The following SLC7A14 variants were observed in gnomAD, a reference collection of about 807,000 sequenced individuals.
The protein encoded by SLC7A14 is solute carrier family 7 member 14, also known as gamma-aminobutyric acid transporter SLC7A14.
A neutral mutation model predicts 60.2 loss-of-function variants in SLC7A14; 37 were observed. That is an observed-to-expected ratio of 0.61 (90% CI 0.47 to 0.81). SLC7A14 has a LOEUF of 0.81. Among genes scored for constraint, SLC7A14 ranks in the 30% least tolerant of loss-of-function variants. The pLI, the probability that SLC7A14 is intolerant of heterozygous loss-of-function variation, is 0.00. For missense variants in SLC7A14, 886 were observed against 982.7 expected, an observed-to-expected ratio of 0.90 and a Z score of 1.32; for synonymous variants, 399 against 395.8, an observed-to-expected ratio of 1.01 and a Z score of -0.10.
intron 5 of SLC7A14, among the ~76,000 whole-genome samples, chr3:170,485,847 A>C (rs776211418): frequency 6.6e-6 from 1 of 152,204 alleles, no homozygotes; most frequent in Non-Finnish European, 1.5e-5. Flanking sequence ...ACAGAAGAGC[A>C]TTGAGGAAAG....
chr3:170,585,550 C>T lies in SLC7A14; in HGVS notation c.-153+361G>A, dbSNP rs368878868. Reference sequence around the variant, plus strand: ...CGGCGTCTGCCGAGACCTAGGCTGCCCGCATTCCGCTCGCGGCTCCCCTTC... The same window carrying T: ...CGGCGTCTGCCGAGACCTAGGCTGCTCGCATTCCGCTCGCGGCTCCCCTTC... On this transcript the variant is annotated intron_variant, in intron 1 of 7. Transcript: ENST00000231706. The surrounding 1 kb of genome is among the most constrained non-coding windows in gnomAD (Gnocchi z 5.1). 1.0e-3 allele frequency among the ~76,000 whole-genome samples: 155 copies of T among 152,286 alleles called. 1 individual carries two copies. Among genetic ancestry groups the T allele is most frequent in the African/African-American group, 3.5e-3 (147 of 41,578 alleles).
chr3:170,513,885 T>G (rs890068544), intron 2 of SLC7A14, among the ~76,000 whole-genome samples: 2 of 152,228 alleles, frequency 1.3e-5, no homozygotes, highest in African/African-American at 4.8e-5. Flanking sequence ...TCCCTGCAGC[T>G]TGTGATGCAA....
chr3:170,550,810 C>T (rs1261978692), intron 1 of SLC7A14, among the ~76,000 whole-genome samples: 1 of 152,052 alleles, frequency 6.6e-6, no homozygotes, highest in African/African-American at 2.4e-5. Context: ...GCATGAGACA[C>T]CGCGCCCAAC....
chr3:170,478,616 A>G (rs1711707463), intron 7 of SLC7A14, among the ~76,000 whole-genome samples: 1 of 152,104 alleles, frequency 6.6e-6, no homozygotes, highest in Non-Finnish European at 1.5e-5. Flanking sequence ...CTATATCTTA[A>G]CTTATAGGGC....
chr3:170,476,098 T>C (rs867299003), intron 7 of SLC7A14, among the ~76,000 whole-genome samples: 10 of 152,208 alleles, frequency 6.6e-5, no homozygotes, highest in African/African-American at 1.9e-4. Flanking sequence ...ATCTAGATCA[T>C]TGTCAACTTG....
At chr3:170,485,838 C>G (rs541403837) in intron 5 of SLC7A14, among the ~76,000 whole-genome samples, 1 of 152,300 alleles carries the variant, frequency 6.6e-6, no homozygotes, top group Non-Finnish European at 1.5e-5. Flanking sequence ...TCCCAGAAGA[C>G]AGAAGAGCAT....
Position 170,498,662 on chromosome 3 carries a change from C to T in SLC7A14, c.759+5G>A, listed in dbSNP as rs1278598676. 32 of 1,613,986 alleles carry T rather than the reference C, an allele frequency of 2.0e-5. No individual in the cohort carries two copies. The highest frequency in any genetic ancestry group is 2.7e-5 in the Non-Finnish European group (32 of 1,179,930). ...AGGCACACCAGGTGTTTGGAACAAA[C>T]TTACCCCTGACCAGCCGTGGGGCAA... On this transcript the variant is annotated splice_donor_5th_base_variant and intron_variant, in intron 4 of 7. Transcript: ENST00000231706.
In SLC7A14 at chr3:170,480,486, A is replaced by G. The variant is rs760717830; in HGVS notation, c.1796T>C (p.Leu599Pro). 2 of 1,614,214 alleles carry G rather than the reference A, an allele frequency of 1.2e-6. No homozygotes were observed. Among genetic ancestry groups the G allele is most frequent in the Non-Finnish European group, 1.7e-6 (2 of 1,180,028 alleles). The change falls in exon 7 of 8, where the codon CTT becomes CCT. Residue 599 changes from leucine to proline, a missense_variant. Coordinates refer to ENST00000231706, the MANE Select transcript of SLC7A14 (RefSeq NM_020949.3). ...CAGCAGCACCATCAGAACAACCAGA[A>G]GGATGGCCCACCAGCTCTGCTCTGA... The part of the protein sequence containing the change: ...YISEQSWWAI[L>P]LVVLMVLLIS...
chr3:170,574,816 G>A (rs750616709), intron 1 of SLC7A14, among the ~76,000 whole-genome samples: 1 of 152,214 alleles, frequency 6.6e-6, no homozygotes, highest in Non-Finnish European at 1.5e-5. Context: ...GGAAATAGCA[G>A]TATAGTGTGA....
chr3:170,582,056 A>G (rs1289636227), intron 1 of SLC7A14, among the ~76,000 whole-genome samples: 1 of 152,212 alleles, frequency 6.6e-6, no homozygotes, highest in Non-Finnish European at 1.5e-5. Context: ...ATTTTACTTT[A>G]TAGTAACATA....
intron 1 of SLC7A14, chr3:170,570,475 T>G (rs1464220409): frequency 1.3e-5 from 2 of 151,572 alleles, no homozygotes; most frequent in African/African-American, 4.8e-5. Context: ...TAAAATAAAA[T>G]AAAATAAAAT....
At chr3:170,474,089 T>A (rs1219816082) in intron 7 of SLC7A14, among the ~76,000 whole-genome samples, 2 of 152,102 alleles carry the variant, frequency 1.3e-5, no homozygotes, top group African/African-American at 4.8e-5. Context: ...AACCCAAATG[T>A]CCCTGGACAC....
At chr3:170,534,651 C>A (rs1713783953) in intron 1 of SLC7A14, among the ~76,000 whole-genome samples, 1 of 152,132 alleles carries the variant, frequency 6.6e-6, no homozygotes, top group Non-Finnish European at 1.5e-5. Flanking sequence ...TGCATTTCCA[C>A]AATTAATTCT....
chr3:170,580,880 CTT>C (rs764681281), intron 1 of SLC7A14, among the ~76,000 whole-genome samples: 2 of 152,156 alleles, frequency 1.3e-5, no homozygotes, highest in Non-Finnish European at 2.9e-5. Flanking sequence ...CTGTGTTAAT[CTT>C]TGTGTTATAA....
At chr3:170,506,833 G>A (rs936399502) in intron 2 of SLC7A14, among the ~76,000 whole-genome samples, 3 of 152,164 alleles carry the variant, frequency 2.0e-5, no homozygotes, top group African/African-American at 7.2e-5. Flanking sequence ...ACCCAGCTGG[G>A]AGTAGGCAAA....
intron 7 of SLC7A14, among the ~76,000 whole-genome samples, chr3:170,472,041 G>A (rs1302667344): frequency 6.6e-6 from 1 of 152,088 alleles, no homozygotes; most frequent in Non-Finnish European, 1.5e-5. Context: ...GGTGTGTGCA[G>A]GAAAGTGACT....
chr3:170,564,950 T>C (rs931409615), intron 1 of SLC7A14, among the ~76,000 whole-genome samples: 15 of 152,076 alleles, frequency 9.9e-5, no homozygotes, highest in African/African-American at 3.1e-4. Context: ...AGTGGGTTTT[T>C]GTTTTGTTTT....
rs938116453 is a variant in SLC7A14, at chr3:170,535,505, G to A, written c.-152-8417C>T. Among the ~76,000 whole-genome samples the A allele has an allele frequency of 6.6e-6, 1 of 152,172 alleles. No individual in the cohort carries two copies. Among genetic ancestry groups the A allele is most frequent in the East Asian group, 1.9e-4 (1 of 5,184 alleles). On this transcript the variant is annotated intron_variant, in intron 1 of 7. Transcript: ENST00000231706. This position sits in a 1 kb window ranked among gnomAD's most constrained non-coding sequence, Gnocchi z 4.3. ...AGAATATCAGGAATTTAGGCACAAGGCAGCTTCAGGGAGTGCGAGTGTCCT... is the reference window on the plus strand; with the variant it reads ...AGAATATCAGGAATTTAGGCACAAGACAGCTTCAGGGAGTGCGAGTGTCCT...
chr3:170,565,137 A>G (rs1336852107), intron 1 of SLC7A14, among the ~76,000 whole-genome samples: 1 of 152,152 alleles, frequency 6.6e-6, no homozygotes, highest in Non-Finnish European at 1.5e-5. Flanking sequence ...CCAAGTTGGC[A>G]TAGGAGGTGA....
Sources: allele counts gnomAD v4.1 joint callset (sites outside exome capture counted in the v4.1 genomes callset), GRCh38; gene constraint gnomAD v4.1.1; non-coding constraint Gnocchi (gnomAD v3.1); transcripts MANE v1.5; gene names NCBI Gene and HGNC (gene_info 2026-07-23, HGNC 2026-07-21).